The following EDA variants were observed in gnomAD, a reference collection of about 807,000 sequenced individuals.
EDA encodes the protein ectodysplasin A, also known as ectodysplasin-A.
A neutral mutation model predicts 23.6 loss-of-function variants in EDA; 2 were observed. The observed-to-expected ratio is 0.08, with a 90% confidence interval of 0.03 to 0.27. The LOEUF (loss-of-function observed/expected upper bound fraction) is 0.27, where lower values mean the gene tolerates loss of function less well. Among genes scored for constraint, EDA ranks in the 10% least tolerant of loss-of-function variants. The pLI is 1.00. For missense variants in EDA, 229 were observed against 324.2 expected (o/e 0.71, Z 2.26); for synonymous variants, 131 against 132.0 (o/e 0.99, Z 0.05).
intron 1 of EDA, among the ~76,000 whole-genome samples, chrX:69,694,918 G>A (rs910847305): frequency 8.9e-6 from 1 of 112,114 alleles, no homozygotes; most frequent in African/African-American, 3.2e-5. Context: ...ACAAAGAGAG[G>A]TATCCTTTTG....
intron 2 of EDA, among the ~76,000 whole-genome samples, chrX:69,965,971 TAGG>T (rs1293646658): frequency 9.0e-6 from 1 of 111,103 alleles, no homozygotes; most frequent in Non-Finnish European, 1.9e-5. Context: ...TGCTTGAGCC[TAGG>T]AGTTCAAGGC....
intron 1 of EDA, among the ~76,000 whole-genome samples, chrX:69,868,419 C>T (rs2017517692): frequency 8.9e-6 from 1 of 112,023 alleles, no homozygotes; most frequent in South Asian, 3.7e-4. Flanking sequence ...TTATCCTTTG[C>T]CTTAGAAGGA....
At chrX:69,824,599 C>A (rs1460508277) in intron 1 of EDA, among the ~76,000 whole-genome samples, 3 of 104,731 alleles carry the variant, frequency 2.9e-5, no homozygotes, top group African/African-American at 1.1e-4. Flanking sequence ...AGATTTTGGG[C>A]TGAGACAATG....
intron 1 of EDA, among the ~76,000 whole-genome samples, chrX:69,948,004 GGACAAGTCCACACTGGTTC>G (rs1466119975): frequency 1.8e-5 from 2 of 111,926 alleles, no homozygotes; most frequent in African/African-American, 6.5e-5. Flanking sequence ...CCTGTCCAGA[GGACAAGTCCACACTGGTTC>G]TGGACCCACA....
At chrX:69,795,268 C>T (rs1035792776) in intron 1 of EDA, among the ~76,000 whole-genome samples, 9 of 111,705 alleles carry the variant, frequency 8.1e-5, no homozygotes, top group Non-Finnish European at 1.7e-4. Context: ...TCAACTGATC[C>T]TCCTGCCTCA....
At chrX:69,790,613 G>A (rs2520382) in intron 1 of EDA, among the ~76,000 whole-genome samples, 41,802 of 110,102 alleles carry the variant, frequency 0.38, 7,132 homozygotes, top group Middle Eastern at 0.64. Context: ...TGAATCACCT[G>A]GTAATCAACT....
intron 1 of EDA, among the ~76,000 whole-genome samples, chrX:69,622,970 A>G (rs2147207042): frequency 8.9e-6 from 1 of 112,031 alleles, no homozygotes; most frequent in East Asian, 2.8e-4. Flanking sequence ...CCAGTCCTCT[A>G]TAGCATCACC....
At chrX:69,705,958 C>T (rs2011702876) in intron 1 of EDA, among the ~76,000 whole-genome samples, 1 of 111,592 alleles carries the variant, frequency 9.0e-6, no homozygotes, top group Admixed American at 9.5e-5. Context: ...ACAAGATGGC[C>T]AAGAAAATCA....
Position 69,724,115 on chromosome X carries a change from C to A in EDA, c.396+107411C>A, listed in dbSNP as rs753145384. 2.2e-3 allele frequency among the ~76,000 whole-genome samples: 247 copies of A among 111,875 alleles called. 1 individual carries two copies. Among genetic ancestry groups the A allele is most frequent in the African/African-American group, 7.6e-3 (235 of 30,816 alleles). On this transcript the variant is annotated intron_variant, in intron 1 of 7. Coordinates refer to ENST00000374552, the MANE Select transcript of EDA (RefSeq NM_001399.5). ...AATGGTGCTGTGCATTGGTGAGGTA[C>A]CTGGCTTTCTCCATGATGTTCCATT...
chrX:69,938,183 GGCGGGTGCCCCATAGACACCTCTC>G (rs1265348330), intron 1 of EDA, among the ~76,000 whole-genome samples: 3 of 111,284 alleles, frequency 2.7e-5, no homozygotes, highest in African/African-American at 9.8e-5. Flanking sequence ...CAGTGGCAGT[GGCGGGTGCCCCATAGACACCTCTC>G]GCCCAGCAAG....
At chrX:69,891,028 C>G (rs760088184) in intron 1 of EDA, among the ~76,000 whole-genome samples, 64 of 110,432 alleles carry the variant, frequency 5.8e-4, no homozygotes, top group Non-Finnish European at 7.6e-4. Flanking sequence ...CTGTAAGGAA[C>G]TTAAACAAAT....
chrX:69,813,004 G>A (rs1459902823), intron 1 of EDA, among the ~76,000 whole-genome samples: 1 of 111,238 alleles, frequency 9.0e-6, no homozygotes, highest in African/African-American at 3.3e-5. Flanking sequence ...GTGCAGCTGG[G>A]GCAAATGACA....
intron 1 of EDA, among the ~76,000 whole-genome samples, chrX:69,648,429 G>A (rs1462131775): frequency 8.9e-6 from 1 of 112,236 alleles, no homozygotes; most frequent in Non-Finnish European, 1.9e-5. Context: ...TGCCCAGTGA[G>A]GAGGAATGGA....
chrX:69,863,679 A>G (rs1424188954), intron 1 of EDA, among the ~76,000 whole-genome samples: 1 of 106,461 alleles, frequency 9.4e-6, no homozygotes, highest in East Asian at 3.0e-4. Context: ...ATATGTATGT[A>G]TGTGCATCTA....
chrX:69,658,212 TTG>T (rs3138864), intron 1 of EDA, among the ~76,000 whole-genome samples: 8,748 of 90,582 alleles, frequency 0.097, 383 homozygotes, highest in East Asian at 0.15. Context: ...TCCTAGGTAT[TTG>T]TGTGTGTGTG....
At chrX:69,998,368 C>T (rs532868454) in intron 2 of EDA, among the ~76,000 whole-genome samples, 10 of 112,328 alleles carry the variant, frequency 8.9e-5, no homozygotes, top group Admixed American at 7.5e-4. Context: ...GCCAATTCCT[C>T]CCATTTGGAA....
chrX:69,950,269 A>G (rs1172500829), intron 1 of EDA, among the ~76,000 whole-genome samples: 12 of 62,075 alleles, frequency 1.9e-4, no homozygotes, highest in East Asian at 1.1e-3. Flanking sequence ...CCCCATCAAA[A>G]AGTGGGCAAA....
chrX:69,787,676 G>T (rs1041751079), intron 1 of EDA, among the ~76,000 whole-genome samples: 1 of 111,242 alleles, frequency 9.0e-6, no homozygotes, highest in African/African-American at 3.3e-5. Context: ...TAGCCTGATG[G>T]GCTTCCCTTT....
chrX:69,653,822 T>C (rs1933190126), intron 1 of EDA, among the ~76,000 whole-genome samples: 1 of 111,832 alleles, frequency 8.9e-6, no homozygotes, highest in South Asian at 3.7e-4. Flanking sequence ...AAGACTTAAA[T>C]GTTAGACCTA....
Sources: gnomAD v4.1 joint callset for allele counts (sites outside exome capture counted in the v4.1 genomes callset) on GRCh38, gnomAD v4.1.1 for gene constraint, MANE v1.5 for transcripts, NCBI Gene and HGNC (gene_info 2026-07-23, HGNC 2026-07-21) for gene names.